Variants in POLD3 observed in about 807,000 individuals in gnomAD.
POLD3 encodes the protein DNA polymerase delta 3, accessory subunit.
Under a neutral mutation model 58.2 loss-of-function variants are expected in POLD3, and 19 were observed. The ratio of observed to expected loss-of-function variants is 0.33; its 90% CI spans 0.23 to 0.48. The LOEUF is 0.48. Ranked by LOEUF, POLD3 falls within the 20% of genes least tolerant of loss-of-function variation. POLD3 has a pLI of 0.99. For missense variants in POLD3, 504 were observed against 545.5 expected (o/e 0.92, Z 0.76); for synonymous variants, 172 against 193.5 (o/e 0.89, Z 0.92).
intron 11 of POLD3, among the ~76,000 whole-genome samples, chr11:74,637,251 T>C (rs1291843111): frequency 2.0e-5 from 3 of 152,142 alleles, no homozygotes; most frequent in Admixed American, 6.5e-5. Context: ...TTTTGTCATC[T>C]GTGCTCCCTG....
At chr11:74,658,698 G>A (rs532665347) in intron 4 of POLD3, among the ~76,000 whole-genome samples, 138 of 152,322 alleles carry the variant, frequency 9.1e-4, no homozygotes, top group African/African-American at 3.2e-3. Context: ...CAGCAGGGCA[G>A]TCAAATTTTA....
intron 2 of POLD3, among the ~76,000 whole-genome samples, chr11:74,603,805 A>G (rs2031584836): frequency 6.6e-6 from 1 of 152,200 alleles, no homozygotes; most frequent in Non-Finnish European, 1.5e-5. Context: ...ATTTCTAGCT[A>G]TGCTTGGCAG....
At chr11:74,604,901 T>G (rs2031624775) in intron 3 of POLD3, 107 bp downstream of exon 3, 1 of 640,632 alleles carries the variant, frequency 1.6e-6, no homozygotes, top group Admixed American at 2.9e-5. Context: ...GTTATAGTAG[T>G]TTTAAAGAGC....
chr11:74,656,743 GGTTT>G lies in POLD3; in HGVS notation c.370-12033_370-12030del, dbSNP rs746410647. On this transcript the variant is annotated intron_variant, in intron 4 of 4. Coordinates refer to the POLD3 transcript ENST00000524752. The stretch of plus-strand genomic sequence containing the variant: ...AAGAAGACATTTGATAATATTTCAG[GGTTT>G]TTTTTTTTTTTTTAAGGTTATAAGA... Among the ~76,000 whole-genome samples, 412 of 52,164 alleles carry G rather than the reference GGTTT, an allele frequency of 7.9e-3. 1 individual carries two copies. The highest frequency in any genetic ancestry group is 0.038 in the Middle Eastern group (2 of 52). 34.2% of individuals were successfully genotyped at this position (52,164 alleles called of 152,430 possible). A position where few individuals can be genotyped will look rare whatever the true frequency, so the allele number is the denominator to read the frequency against.
exon 5 of POLD3, chr11:74,668,984 G>A (rs1240335022): frequency 2.8e-6 from 1 of 354,496 alleles, no homozygotes; most frequent in Non-Finnish European, 5.4e-6. Flanking sequence ...AAAGAGCTGA[G>A]CCTTCTGCCC....
intron 9 of POLD3, among the ~76,000 whole-genome samples, chr11:74,631,924 C>T (rs58209300): frequency 1.3e-5 from 2 of 152,070 alleles, no homozygotes; most frequent in African/African-American, 4.8e-5. Context: ...TTGTAACTTT[C>T]TACCCAAGGG....
intron 5 of POLD3, among the ~76,000 whole-genome samples, chr11:74,614,974 C>T (rs925958230): frequency 6.6e-6 from 1 of 152,070 alleles, no homozygotes; most frequent in African/African-American, 2.4e-5. Context: ...ATAGGTGAAT[C>T]TAGAGCTAAG....
At chr11:74,632,086 T>C (rs1268126541) in intron 9 of POLD3, among the ~76,000 whole-genome samples, 1 of 152,172 alleles carries the variant, frequency 6.6e-6, no homozygotes, top group Non-Finnish European at 1.5e-5. Context: ...TTAACTGATA[T>C]AGTTAAGTCT....
In POLD3 at chr11:74,604,708, G is replaced by A; in HGVS notation, c.133G>A (p.Val45Ile). Residue 45 changes from valine to isoleucine, a missense_variant, in exon 3 of 12, where the codon GTT (valine) becomes ATT (isoleucine). Val to Ile is a conservative substitution (Grantham distance 29). Transcript: ENST00000263681. ...TTGGAATAGGATGCTGTATGATTAT[G>A]TTGAAAGGAAACGAAAAGAAAATTC... The part of the protein sequence containing the change: ...NQAKQMLYDY[V>I]ERKRKENSGA... 2 of 1,599,434 alleles carry A rather than the reference G, an allele frequency of 1.3e-6. No homozygotes were observed. The highest frequency in any genetic ancestry group is 1.7e-6 in the Non-Finnish European group (2 of 1,166,648).
At chr11:74,654,440 T>C (rs959799982) in intron 4 of POLD3, among the ~76,000 whole-genome samples, 6 of 152,160 alleles carry the variant, frequency 3.9e-5, no homozygotes, top group South Asian at 2.1e-4. Context: ...AACAAGTAGA[T>C]AAATCTGTAA....
chr11:74,645,154 T>C (rs1452687938), downstream of POLD3, among the ~76,000 whole-genome samples: 2 of 152,250 alleles, frequency 1.3e-5, no homozygotes, highest in African/African-American at 4.8e-5. Flanking sequence ...ATAATCATTA[T>C]GGGCAAAATA....
intron 9 of POLD3, among the ~76,000 whole-genome samples, chr11:74,634,008 ACT>A (rs2032673403): frequency 2.0e-5 from 3 of 152,232 alleles, no homozygotes; most frequent in African/African-American, 4.8e-5. Flanking sequence ...ACAGTGAAAG[ACT>A]CTGGCATGGA....
chr11:74,596,741 T>C (rs2031274719), intron 2 of POLD3, among the ~76,000 whole-genome samples: 1 of 152,186 alleles, frequency 6.6e-6, no homozygotes, highest in African/African-American at 2.4e-5. Flanking sequence ...ATGTATCCTT[T>C]AGACCCACAT....
intron 2 of POLD3, among the ~76,000 whole-genome samples, chr11:74,599,243 GCTGGT>G (rs1417900436): frequency 2.0e-5 from 3 of 152,122 alleles, no homozygotes; most frequent in African/African-American, 7.2e-5. Flanking sequence ...TGTTGACCAG[GCTGGT>G]CTTGAACGTC....
downstream of POLD3, among the ~76,000 whole-genome samples, chr11:74,645,032 T>A (rs2032981724): frequency 6.6e-6 from 1 of 152,224 alleles, no homozygotes; most frequent in Admixed American, 6.5e-5. Flanking sequence ...TAAGAGCCCG[T>A]AAGTTACCAT....
chr11:74,611,248 G>A (rs1323778362), intron 3 of POLD3, among the ~76,000 whole-genome samples: 1 of 152,118 alleles, frequency 6.6e-6, no homozygotes, highest in African/African-American at 2.4e-5. Context: ...TTTAATTGTA[G>A]TACTGAAATC....
rs180720372 is a variant in POLD3 at position 74,660,954 on chromosome 11, C to T, written c.370-7823C>T. 2.6e-3 allele frequency among the ~76,000 whole-genome samples: 392 copies of T among 151,854 alleles called. 2 individuals carry two copies. Among genetic ancestry groups the T allele is most frequent in the African/African-American group, 9.0e-3 (371 of 41,422 alleles). On this transcript the variant is annotated intron_variant, in intron 4 of 4. Coordinates refer to the POLD3 transcript ENST00000524752. ...CTGTCTTCAAGCTCACTAATTCTTTCTTCTGCTTGGTCAATTCTACTATTA... is the reference window on the plus strand; with the variant it reads ...CTGTCTTCAAGCTCACTAATTCTTTTTTCTGCTTGGTCAATTCTACTATTA...
chr11:74,666,701 C>T (rs10793101), intron 4 of POLD3, among the ~76,000 whole-genome samples: 60,530 of 151,978 alleles, frequency 0.4, 13,693 homozygotes, highest in Non-Finnish European at 0.51. Flanking sequence ...AAAATCCCAG[C>T]TGGATTTTTT....
intron 7 of POLD3, 124 bp downstream of exon 7, chr11:74,620,213 A>G: frequency 1.4e-6 from 1 of 716,768 alleles, no homozygotes; most frequent in Non-Finnish European, 2.5e-6. Context: ...CATTCTAACA[A>G]ATTTCCAGTG....
Sources: gnomAD v4.1 joint callset for allele counts (sites outside exome capture counted in the v4.1 genomes callset) on GRCh38, gnomAD v4.1.1 for gene constraint, MANE v1.5 for transcripts, NCBI Gene and HGNC (gene_info 2026-07-23, HGNC 2026-07-21) for gene names.